PUDP: variants seen among roughly 807,000 people sequenced by gnomAD.
PUDP encodes the protein pseudouridine 5'-phosphatase.
A neutral mutation model predicts 9.4 loss-of-function variants in PUDP; 8 were observed. The ratio of observed to expected loss-of-function variants is 0.85; its 90% CI spans 0.50 to 1.53. The LOEUF (loss-of-function observed/expected upper bound fraction) is 1.53. PUDP is among the 40% of genes most tolerant of loss of function. The pLI is 0.00. For synonymous variants in PUDP, 99 were observed against 80.7 expected (o/e 1.23, Z -1.22); for missense variants, 188 against 189.7 (o/e 0.99, Z 0.05).
intron 1 of PUDP, among the ~76,000 whole-genome samples, chrX:7,032,834 CA>C (rs1293782050): frequency 9.0e-6 from 1 of 111,720 alleles, no homozygotes; most frequent in Admixed American, 9.5e-5. Flanking sequence ...AAAGATCCTA[CA>C]ACTCAAAATA....
intron 2 of PUDP, among the ~76,000 whole-genome samples, chrX:7,084,253 A>G (rs1403444951): frequency 8.9e-6 from 1 of 112,225 alleles, no homozygotes; most frequent in Non-Finnish European, 1.9e-5. Flanking sequence ...ATGTGGTTAG[A>G]AACTTCCACT....
chrX:6,726,719 TG>T (rs1398169776), intron 3 of PUDP, among the ~76,000 whole-genome samples: 11 of 111,735 alleles, frequency 9.8e-5, no homozygotes, highest in Non-Finnish European at 1.7e-4. Flanking sequence ...TTTTTTAATG[TG>T]TAAGGACACT....
chrX:6,963,378 G>A (rs183722269), intron 3 of PUDP, among the ~76,000 whole-genome samples: 1 of 111,447 alleles, frequency 9.0e-6, no homozygotes, highest in East Asian at 2.8e-4. Context: ...GCTCTGACAT[G>A]ACTGAGCCAA....
chrX:7,053,606 T>C (rs1003957445), intron 3 of PUDP, among the ~76,000 whole-genome samples: 4 of 112,189 alleles, frequency 3.6e-5, no homozygotes, highest in African/African-American at 6.5e-5. Flanking sequence ...CCTTCTGCCA[T>C]GATTGTGAGG....
At chrX:6,943,223 C>T (rs921128873) in intron 3 of PUDP, among the ~76,000 whole-genome samples, 4 of 111,823 alleles carry the variant, frequency 3.6e-5, no homozygotes, top group Admixed American at 1.9e-4. Flanking sequence ...AAGACTTTCA[C>T]GTATATTTCC....
chrX:7,148,045 C>T lies in PUDP; in HGVS notation c.61+8G>A, dbSNP rs757985275. On this transcript the variant is annotated splice_region_variant and intron_variant, in intron 1 of 3. Coordinates refer to ENST00000381077, the MANE Select transcript of PUDP (RefSeq NM_012080.5). ...CCTTACTGGAGGCGGCGGCTGCACA[C>T]TACCCACCCAGAAGAAGTCCGTCCA... 1 of 1,138,172 alleles carries T rather than the reference C, an allele frequency of 8.8e-7. No homozygotes were observed. The highest frequency in any genetic ancestry group is 2.0e-5 in the South Asian group (1 of 50,717). 93.8% of individuals were successfully genotyped at this position (1,138,172 alleles called of 1,213,427 possible).
intron 2 of PUDP, among the ~76,000 whole-genome samples, chrX:7,080,304 T>G (rs185523486): frequency 8.9e-6 from 1 of 112,542 alleles, no homozygotes; most frequent in Non-Finnish European, 1.9e-5. Flanking sequence ...CTTCTGCCTA[T>G]GAAAGGAATT....
chrX:6,962,292 C>T (rs770452992), intron 3 of PUDP, among the ~76,000 whole-genome samples: 8 of 112,064 alleles, frequency 7.1e-5, no homozygotes, highest in South Asian at 3.7e-4. Flanking sequence ...ATAATTTCAT[C>T]GAATTTGTTT....
chrX:6,961,868 A>C (rs1928713585), intron 3 of PUDP, among the ~76,000 whole-genome samples: 1 of 112,152 alleles, frequency 8.9e-6, no homozygotes. Context: ...ACATGCAAGA[A>C]GTCTTCTTTA....
chrX:6,844,613 C>T (rs192892955), intron 3 of PUDP, among the ~76,000 whole-genome samples: 2 of 112,249 alleles, frequency 1.8e-5, no homozygotes, highest in East Asian at 5.6e-4. Context: ...TAGGATTCTC[C>T]AGATAAACAG....
intron 1 of PUDP, among the ~76,000 whole-genome samples, chrX:6,716,028 C>A (rs1345265802): frequency 9.1e-6 from 1 of 110,451 alleles, no homozygotes; most frequent in Non-Finnish European, 1.9e-5. Flanking sequence ...TTGATTCTAT[C>A]TAATATCTAT....
intron 3 of PUDP, among the ~76,000 whole-genome samples, chrX:6,800,947 A>G (rs779943777): frequency 9.0e-6 from 1 of 111,406 alleles, no homozygotes; most frequent in South Asian, 3.8e-4. Flanking sequence ...CCAGAGGGGA[A>G]AAGGATTCTC....
chrX:6,771,072 A>G (rs947347095), intron 3 of PUDP, among the ~76,000 whole-genome samples: 1 of 111,635 alleles, frequency 9.0e-6, no homozygotes, highest in Middle Eastern at 4.2e-3. Context: ...AGGAATGTAA[A>G]ATCTGCCCCC....
chrX:7,111,023 G>A (rs992579271), intron 1 of PUDP, among the ~76,000 whole-genome samples: 1 of 111,827 alleles, frequency 8.9e-6, no homozygotes, highest in Admixed American at 9.4e-5. Context: ...TAATCCCCAA[G>A]TGTGGAGGGA....
chrX:7,131,583 T>A (rs1932621358), intron 1 of PUDP, among the ~76,000 whole-genome samples: 1 of 109,719 alleles, frequency 9.1e-6, no homozygotes, highest in South Asian at 4.1e-4. Flanking sequence ...CAACTTCTTG[T>A]CTCCAGAGCT....
intron 2 of PUDP, among the ~76,000 whole-genome samples, chrX:7,090,119 A>C (rs1931380172): frequency 1.8e-5 from 2 of 111,585 alleles, no homozygotes; most frequent in Admixed American, 1.9e-4. Flanking sequence ...TAACCACTTA[A>C]CTAAATATTC....
chrX:7,119,939 G>A (rs1283216279), intron 1 of PUDP, among the ~76,000 whole-genome samples: 14 of 111,921 alleles, frequency 1.3e-4, no homozygotes, highest in African/African-American at 4.6e-4. Context: ...AACGCAAAGA[G>A]CAAGGGTCGT....
At chrX:7,109,490 C>A (rs1394547121) in intron 1 of PUDP, among the ~76,000 whole-genome samples, 7 of 111,991 alleles carry the variant, frequency 6.3e-5, no homozygotes, top group Non-Finnish European at 1.1e-4. Context: ...TGGACAAAGG[C>A]AGGAAAACAG....
chrX:6,912,404 C>G (rs768955904), intron 3 of PUDP, among the ~76,000 whole-genome samples: 8 of 112,464 alleles, frequency 7.1e-5, no homozygotes, highest in Admixed American at 1.9e-4. Flanking sequence ...ATAATGTTAA[C>G]TAGAATTGAA....
Sources: allele counts gnomAD v4.1 joint callset (sites outside exome capture counted in the v4.1 genomes callset), GRCh38; gene constraint gnomAD v4.1.1; transcripts MANE v1.5; gene names NCBI Gene and HGNC (gene_info 2026-07-23, HGNC 2026-07-21).